The following POM121C variants were observed in gnomAD, a reference collection of about 807,000 sequenced individuals.
POM121C encodes the protein nuclear envelope pore membrane protein POM 121C.
A neutral mutation model predicts 66.4 loss-of-function variants in POM121C; 20 were observed. The ratio of observed to expected loss-of-function variants is 0.30; its 90% CI spans 0.21 to 0.44. The LOEUF is 0.44. Ranked by LOEUF, POM121C falls within the 20% of genes least tolerant of loss-of-function variation. POM121C has a pLI of 1.00. For missense variants in POM121C, 580 were observed against 1,225.7 expected, an observed-to-expected ratio of 0.47 and a Z score of 7.87; for synonymous variants, 286 against 528.0, an observed-to-expected ratio of 0.54 and a Z score of 6.28.
At position 75,482,434 on chromosome 7, in the gene POM121C, C is replaced by T. The variant is rs62477692; in HGVS notation, c.-458+3430G>A. Among the ~76,000 whole-genome samples the T allele has an allele frequency of 4.5e-3, 689 of 152,304 alleles. 3 individuals are homozygous for T. The highest frequency in any genetic ancestry group is 7.8e-3 in the Non-Finnish European group (530 of 68,024). ...CTAGGCCGGGAGCAGTGGCTCACGC[C>T]TATAATCCTAGCACTTTGGGACACC... On this transcript the variant is annotated intron_variant, in intron 1 of 14. Transcript: ENST00000615331.
chr7:75,442,360 T>G, intron 3 of POM121C: 1 of 1,426,202 alleles, frequency 7.0e-7, no homozygotes, highest in Non-Finnish European at 9.1e-7. Context: ...TGAGGAGCAG[T>G]TCGGCAGGGT....
chr7:75,465,231 G>A (rs1390218142), intron 3 of POM121C, among the ~76,000 whole-genome samples: 1 of 152,038 alleles, frequency 6.6e-6, no homozygotes, highest in South Asian at 2.1e-4. Context: ...CTGACCTCAG[G>A]TGATCTGCTC....
At chr7:75,478,985 C>A in intron 1 of POM121C, among the ~76,000 whole-genome samples, 1 of 141,694 alleles carries the variant, frequency 7.1e-6, no homozygotes, top group South Asian at 2.3e-4. Flanking sequence ...AAGTTTAAAA[C>A]AATAAGGGGG....
intron 3 of POM121C, among the ~76,000 whole-genome samples, chr7:75,459,342 G>A (rs1791366412): frequency 6.9e-6 from 1 of 145,880 alleles, no homozygotes; most frequent in Admixed American, 7.0e-5. Flanking sequence ...GCTCATGCCT[G>A]TAATCCCAGC....
rs1296658951 is a variant in POM121C at position 75,418,366 on chromosome 7, T to C, written c.*430A>G. ...ACAGCTAAGCCAAGCAAGATAAAGC[T>C]TTAGGGATAACCCATTTCCCAAATC... On this transcript the variant is annotated 3_prime_UTR_variant, in exon 15 of 15. Transcript: ENST00000615331. 6 of 992,550 alleles carry C rather than the reference T, an allele frequency of 6.0e-6. No individual in the cohort carries two copies. Among genetic ancestry groups the C allele is most frequent in the African/African-American group, 5.2e-5 (3 of 57,442 alleles). 61.5% of individuals were successfully genotyped at this position (992,550 alleles called of 1,614,324 possible).
chr7:75,474,403 A>C (rs1378883430), intron 3 of POM121C, among the ~76,000 whole-genome samples: 2 of 152,156 alleles, frequency 1.3e-5, no homozygotes, highest in Non-Finnish European at 2.9e-5. Context: ...CCAAAAACCA[A>C]ACAAAAAAAC....
At chr7:75,465,550 C>T (rs1327997319) in intron 3 of POM121C, among the ~76,000 whole-genome samples, 3 of 151,240 alleles carry the variant, frequency 2.0e-5, no homozygotes, top group African/African-American at 7.3e-5. Flanking sequence ...GTCAGGAGTT[C>T]GAGACCAGCC....
intron 1 of POM121C, among the ~76,000 whole-genome samples, chr7:75,478,615 T>C (rs1442506018): frequency 1.3e-5 from 2 of 151,778 alleles, no homozygotes; most frequent in Non-Finnish European, 2.9e-5. Context: ...CTTCTACAGA[T>C]AGTACAATAT....
At chr7:75,460,519 G>A (rs1554476871) in intron 3 of POM121C, among the ~76,000 whole-genome samples, 1 of 151,754 alleles carries the variant, frequency 6.6e-6, no homozygotes, top group African/African-American at 2.4e-5. Context: ...AATATCAATA[G>A]TCACATAAGA....
In POM121C at chr7:75,428,198, G is replaced by A. The variant is rs377667150; in HGVS notation, c.481-1745C>T. Among the ~76,000 whole-genome samples, 10 of 151,748 alleles carry A rather than the reference G, an allele frequency of 6.6e-5. No homozygotes were observed. The East Asian group carries it at 1.2e-3, about 18-fold the overall frequency. On this transcript the variant is annotated intron_variant, in intron 7 of 14. Transcript: ENST00000615331. ...CTCTGTCACCAGGCTGGAGTGCAGT[G>A]GCACGATCTCACCTCACTGCAACCT...
At chr7:75,484,611 G>A (rs1792438604) in intron 1 of POM121C, among the ~76,000 whole-genome samples, 1 of 143,658 alleles carries the variant, frequency 7.0e-6, no homozygotes, top group Non-Finnish European at 1.5e-5. Flanking sequence ...GGAAGTTGCA[G>A]TGAGCCGAGA....
intron 7 of POM121C, among the ~76,000 whole-genome samples, chr7:75,430,682 G>A (rs1238520004): frequency 2.0e-5 from 3 of 152,184 alleles, no homozygotes; most frequent in Non-Finnish European, 4.4e-5. Context: ...AGAATGGCAA[G>A]AGCAGGACAC....
intron 5 of POM121C, 61 bp from the exon 6 acceptor site, chr7:75,439,285 G>T: frequency 1.2e-6 from 2 of 1,600,580 alleles, no homozygotes; most frequent in Non-Finnish European, 1.7e-6. Flanking sequence ...CCTTTAAAGT[G>T]TATTCTCACA....
chr7:75,479,215 T>C (rs1792210071), intron 1 of POM121C, among the ~76,000 whole-genome samples: 1 of 152,180 alleles, frequency 6.6e-6, no homozygotes, highest in Non-Finnish European at 1.5e-5. Context: ...AGAAAGTCCT[T>C]CAGGCAGAAG....
At chr7:75,482,511 A>T (rs1554480283) in intron 1 of POM121C, among the ~76,000 whole-genome samples, 3 of 152,152 alleles carry the variant, frequency 2.0e-5, no homozygotes, top group Non-Finnish European at 4.4e-5. Context: ...GACACGGTGA[A>T]AGCCAGTCTC....
At chr7:75,429,232 A>C (rs1790075389) in intron 7 of POM121C, among the ~76,000 whole-genome samples, 1 of 152,256 alleles carries the variant, frequency 6.6e-6, no homozygotes, top group Non-Finnish European at 1.5e-5. Flanking sequence ...AAAATCCTAA[A>C]GAACATACAG....
intron 7 of POM121C, among the ~76,000 whole-genome samples, chr7:75,431,603 CAAAAAA>C (rs71098029): frequency 1.8e-4 from 9 of 50,758 alleles, no homozygotes; most frequent in Non-Finnish European, 2.6e-4. Context: ...AACTCCGTCT[CAAAAAA>C]AAAAAAAAAA....
chr7:75,438,218 T>C (rs1362984295), intron 6 of POM121C, among the ~76,000 whole-genome samples: 3 of 152,208 alleles, frequency 2.0e-5, no homozygotes, highest in African/African-American at 7.2e-5. Context: ...TCCAACCTGT[T>C]ACAATATAGA....
chr7:75,439,314 A>AT, intron 5 of POM121C, 90 bp from the exon 6 acceptor site: 2 of 1,532,580 alleles, frequency 1.3e-6, no homozygotes, highest in Non-Finnish European at 1.8e-6. Flanking sequence ...ACCTTATACT[A>AT]TCTCTATGGA....
Sources: gnomAD v4.1 joint callset for allele counts (sites outside exome capture counted in the v4.1 genomes callset) on GRCh38, gnomAD v4.1.1 for gene constraint, MANE v1.5 for transcripts, NCBI Gene and HGNC (gene_info 2026-07-23, HGNC 2026-07-21) for gene names.